The following DNM2 variants were observed in gnomAD, a reference collection of about 807,000 sequenced individuals.
DNM2 encodes the protein dynamin 2.
DNM2 carries 15 observed loss-of-function variants against 99.0 expected under a neutral mutation model. The observed-to-expected ratio is 0.15, with a 90% CI of 0.10 to 0.23. DNM2 has a LOEUF of 0.23. DNM2 is among the 10% of genes least tolerant of loss of function. The probability of loss-of-function intolerance (pLI) is 1.00; values close to 1 mark genes in which losing one functional copy is unlikely to be tolerated. For synonymous variants in DNM2, 525 were observed against 481.2 expected (o/e 1.09, Z -1.19); for missense variants, 742 against 1,189.4 (o/e 0.62, Z 5.53).
intron 1 of DNM2, among the ~76,000 whole-genome samples, chr19:10,747,580 T>C (rs1201892431): frequency 1.3e-5 from 2 of 152,094 alleles, no homozygotes; most frequent in African/African-American, 2.4e-5. Flanking sequence ...ATTGTGGAAG[T>C]GAGAAGTCTC....
At chr19:10,770,627 A>G (rs1033914395) in intron 2 of DNM2, among the ~76,000 whole-genome samples, 8 of 152,322 alleles carry the variant, frequency 5.3e-5, no homozygotes, top group Admixed American at 1.3e-4. Context: ...AGTTCCACAC[A>G]GCTGGGCTGG....
At chr19:10,736,569 T>A (rs1239163022) in intron 1 of DNM2, among the ~76,000 whole-genome samples, 1 of 152,204 alleles carries the variant, frequency 6.6e-6, no homozygotes, top group Non-Finnish European at 1.5e-5. Flanking sequence ...AAGATCATTG[T>A]GTATTAGTAC....
intron 7 of DNM2, among the ~76,000 whole-genome samples, chr19:10,792,207 G>A (rs551392864): frequency 1.3e-5 from 2 of 152,256 alleles, no homozygotes; most frequent in Non-Finnish European, 2.9e-5. Flanking sequence ...TGAGGAAAGA[G>A]ATTTTGGGGA....
chr19:10,799,256 A>C (rs1323988559), intron 11 of DNM2, among the ~76,000 whole-genome samples: 1 of 152,064 alleles, frequency 6.6e-6, no homozygotes, highest in Non-Finnish European at 1.5e-5. Context: ...GGAAATCCCC[A>C]GGCCCTGGCC....
chr19:10,777,315 C>T, intron 5 of DNM2, 99 bp downstream of exon 5: 4 of 1,118,684 alleles, frequency 3.6e-6, no homozygotes, highest in South Asian at 1.3e-5. Flanking sequence ...GAAGTCATTG[C>T]TTCTCCATTT....
intron 13 of DNM2, among the ~76,000 whole-genome samples, chr19:10,807,578 T>G (rs2072391215): frequency 9.1e-6 from 1 of 110,378 alleles, no homozygotes; most frequent in Non-Finnish European, 1.7e-5. Context: ...AGACAGAGTC[T>G]CACTCTGCCA....
intron 7 of DNM2, among the ~76,000 whole-genome samples, chr19:10,787,618 G>A (rs1430311454): frequency 2.0e-5 from 3 of 151,872 alleles, no homozygotes; most frequent in African/African-American, 4.8e-5. Flanking sequence ...AGCCGGGCGC[G>A]GTGGTGGGCA....
chr19:10,770,839 T>G (rs775501706), intron 2 of DNM2, among the ~76,000 whole-genome samples: 33 of 152,226 alleles, frequency 2.2e-4, no homozygotes, highest in Non-Finnish European at 3.7e-4. Context: ...ACTGGGTCCC[T>G]GCTACAACAC....
Position 10,830,336 on chromosome 19 carries a change from G to A in DNM2, c.2501G>A (p.Arg834Gln), listed in dbSNP as rs1198723647. 2 of 1,613,044 alleles carry A rather than the reference G, an allele frequency of 1.2e-6. No homozygotes were observed. Among genetic ancestry groups the A allele is most frequent in the East Asian group, 2.2e-5 (1 of 44,872 alleles). Residue 834 changes from arginine (R) to glutamine (Q), a missense_variant, in exon 20 of 21, where the codon CGG becomes CAG. Arg to Gln is a conservative substitution (Grantham distance 43). Around this residue, in one of 7 missense-constraint regions of DNM2, gnomAD observed 187 missense variants for 218.8 expected, o/e 0.85. Coordinates refer to ENST00000389253, the MANE Select transcript of DNM2 (RefSeq NM_001005361.3). This position sits in a 1 kb window ranked among gnomAD's most constrained non-coding sequence, Gnocchi z 4.8. ...LFPAPPQIPSRPVRIPPGIPP... is the reference protein window; with the variant it reads ...LFPAPPQIPSQPVRIPPGIPP... ...CCAGCCCCGCCTCAGATCCCATCTC[G>A]GCCAGTTCGGATCCCCCCAGGGATT...
chr19:10,776,323 TG>T (rs892524381), intron 4 of DNM2, among the ~76,000 whole-genome samples: 9 of 152,372 alleles, frequency 5.9e-5, no homozygotes, highest in African/African-American at 2.2e-4. Flanking sequence ...GGGTTGTTTC[TG>T]ATCTTTGCAT....
At chr19:10,761,920 C>T (rs756448615) in intron 2 of DNM2, among the ~76,000 whole-genome samples, 19 of 152,326 alleles carry the variant, frequency 1.2e-4, no homozygotes, top group African/African-American at 4.1e-4. Context: ...TGGGTTCAGG[C>T]GTCCAATCAG....
chr19:10,718,266 G>A lies in DNM2; in HGVS notation c.24G>A (p.Glu8=). The change falls in exon 1 of 21, where the codon GAG becomes GAA. Residue 8 remains glutamate, a synonymous_variant. Transcript: ENST00000389253. MGNRGME[E]LIPLVNKLQD... ...CCATGGGCAACCGCGGGATGGAAGAGCTGATCCCGCTGGTCAACAAACTGC... is the reference window on the plus strand; with the variant it reads ...CCATGGGCAACCGCGGGATGGAAGAACTGATCCCGCTGGTCAACAAACTGC... The A allele has an allele frequency of 1.3e-6, 2 of 1,489,990 alleles. No homozygotes were observed. The highest frequency in any genetic ancestry group is 1.3e-5 in the South Asian group (1 of 78,362). The allele number at this position is 1,489,990 out of a possible 1,614,324, so 92.3% of individuals were successfully genotyped here.
At chr19:10,720,280 T>G (rs2068896837) in intron 1 of DNM2, among the ~76,000 whole-genome samples, 1 of 151,552 alleles carries the variant, frequency 6.6e-6, no homozygotes, top group Non-Finnish European at 1.5e-5. Flanking sequence ...TGGAGCAATC[T>G]TGGCTCACTG....
At chr19:10,727,171 C>G (rs75133565) in intron 1 of DNM2, among the ~76,000 whole-genome samples, 4,710 of 152,138 alleles carry the variant, frequency 0.031, 79 homozygotes, top group South Asian at 0.095. Context: ...ATCAGGAAGA[C>G]AGATTTCTCC....
At chr19:10,809,778 T>C (rs2072476066) in intron 14 of DNM2, 1 of 152,360 alleles carries the variant, frequency 6.6e-6, no homozygotes, top group Admixed American at 6.5e-5. Context: ...GGCGGGGCTC[T>C]TCTGGCAATC....
At chr19:10,829,922 G>C (rs368795948) in intron 19 of DNM2, among the ~76,000 whole-genome samples, 5 of 152,132 alleles carry the variant, frequency 3.3e-5, no homozygotes, top group Admixed American at 3.3e-4. Flanking sequence ...CCCAAGGCCT[G>C]AGGGGGCCCT....
At chr19:10,822,171 TTTTC>T (rs2072993262) in intron 16 of DNM2, among the ~76,000 whole-genome samples, 1 of 151,554 alleles carries the variant, frequency 6.6e-6, no homozygotes, top group Non-Finnish European at 1.5e-5. Flanking sequence ...CCTGGTTCTT[TTTTC>T]TTTTTCTTTT....
intron 2 of DNM2, among the ~76,000 whole-genome samples, chr19:10,769,023 G>C (rs2145897566): frequency 6.6e-6 from 1 of 152,260 alleles, no homozygotes; most frequent in African/African-American, 2.4e-5. Flanking sequence ...AGAGTAGCTT[G>C]CCCTCTCTGG....
At chr19:10,719,373 AC>A (rs2068861297) in intron 1 of DNM2, among the ~76,000 whole-genome samples, 1 of 151,958 alleles carries the variant, frequency 6.6e-6, no homozygotes, top group Admixed American at 6.6e-5. Context: ...CCTCCCAGCT[AC>A]AGCCTACAAA....
Sources: allele counts gnomAD v4.1 joint callset (sites outside exome capture counted in the v4.1 genomes callset), GRCh38; gene constraint gnomAD v4.1.1; regional missense constraint gnomAD v4.1.1; non-coding constraint Gnocchi (gnomAD v3.1); transcripts MANE v1.5; gene names NCBI Gene and HGNC (gene_info 2026-07-23, HGNC 2026-07-21).